BOC: variants seen among roughly 807,000 people sequenced by gnomAD.
BOC encodes the protein brother of CDO.
A neutral mutation model predicts 112.0 loss-of-function variants in BOC; 76 were observed. That is an observed-to-expected ratio of 0.68 (90% confidence interval 0.56 to 0.82). BOC has a LOEUF of 0.82. Ranked by LOEUF, BOC falls within the 40% of genes least tolerant of loss-of-function variation. BOC has a pLI of 0.00. For synonymous variants in BOC, 580 were observed against 599.8 expected, an observed-to-expected ratio of 0.97 and a Z score of 0.48; for missense variants, 1,309 against 1,511.7, an observed-to-expected ratio of 0.87 and a Z score of 2.22.
At chr3:113,214,527 A>G (rs1267191865) in intron 1 of BOC, among the ~76,000 whole-genome samples, 1 of 152,192 alleles carries the variant, frequency 6.6e-6, no homozygotes, top group African/African-American at 2.4e-5. Context: ...TCAAACTACA[A>G]CAGAAAACTC....
intron 2 of BOC, among the ~76,000 whole-genome samples, chr3:113,249,339 TA>T (rs1945327227): frequency 6.6e-6 from 1 of 152,194 alleles, no homozygotes; most frequent in African/African-American, 2.4e-5. Flanking sequence ...AAGCAAATGG[TA>T]AGAATAATCT....
intron 2 of BOC, among the ~76,000 whole-genome samples, chr3:113,249,237 C>G (rs1292847227): frequency 6.6e-6 from 1 of 152,220 alleles, no homozygotes; most frequent in Non-Finnish European, 1.5e-5. Context: ...CAAGGGCGTT[C>G]TGTATGCATC....
chr3:113,278,625 T>C lies in BOC; in HGVS notation c.1706-48T>C. 2 of 1,466,668 alleles carry C rather than the reference T, an allele frequency of 1.4e-6. No homozygotes were observed. The highest frequency in any genetic ancestry group is 1.7e-4 in the Middle Eastern group (1 of 5,840). The allele number at this position is 1,466,668 out of a possible 1,614,324, so 90.9% of individuals were successfully genotyped here. A position where few individuals can be genotyped will look rare whatever the true frequency, so the allele number is the denominator to read the frequency against. ...CAAAAAGGACTCTGTGGGAGGGAGA[T>C]CTCATGCCTGCTTCCTCCCTTGCTG... On this transcript the variant is annotated intron_variant, in intron 10 of 19. Transcript: ENST00000682979. The surrounding 1 kb of genome is among the most constrained non-coding windows in gnomAD (Gnocchi z 4.2).
At chr3:113,286,029 CTT>C (rs1360054617) in intron 19 of BOC, among the ~76,000 whole-genome samples, 1 of 152,148 alleles carries the variant, frequency 6.6e-6, no homozygotes, top group Non-Finnish European at 1.5e-5. Flanking sequence ...CATCATAACT[CTT>C]TGTACTTCCA....
Position 113,270,874 on chromosome 3 carries a change from G to C in BOC, c.597G>C (p.Lys199Asn). 6.2e-7 allele frequency: 1 copy of C among 1,614,228 alleles called. No individual in the cohort carries two copies. Among genetic ancestry groups the C allele is most frequent in the Non-Finnish European group, 8.5e-7 (1 of 1,180,048 alleles). ...NASQEDEGMY[K>N]CAAYNPVTQE... ...GCCAGGAGGACGAGGGCATGTACAA[G>C]TGTGCAGCCTACAACCCAGTGACCC... is the stretch of plus-strand genomic sequence containing the variant. The change falls in exon 6 of 20, where the codon AAG (lysine) becomes AAC (asparagine). Residue 199 changes from lysine (K) to asparagine (N), a missense_variant. Lys to Asn is a moderately conservative substitution (Grantham distance 94). Coordinates refer to ENST00000682979, the MANE Select transcript of BOC (RefSeq NM_001378074.1).
intron 4 of BOC, among the ~76,000 whole-genome samples, chr3:113,260,656 TTAGAA>T (rs1221490195): frequency 3.1e-4 from 32 of 104,484 alleles, no homozygotes; most frequent in Admixed American, 2.8e-3. Context: ...TTAGATTCTA[TTAGAA>T]TAGAATAGAA....
Position 113,274,714 on chromosome 3 carries a change from C to T in BOC, c.1542+32C>T, listed in dbSNP as rs7615718. 2.2e-3 allele frequency: 3,470 copies of T among 1,545,746 alleles called. 75 individuals are homozygous for T. In the African/African-American group the frequency reaches 0.041, roughly 18 times the overall value. ...CCCTGGTGTGGGGCTGCTGCCTCCC[C>T]TGCACAGCCTTTCCAGCAAGGCTGA... is the stretch of plus-strand genomic sequence containing the variant. On this transcript the variant is annotated intron_variant, in intron 9 of 19. Coordinates refer to ENST00000682979, the MANE Select transcript of BOC (RefSeq NM_001378074.1). The surrounding 1 kb of genome is among the most constrained non-coding windows in gnomAD (Gnocchi z 4.8).
chr3:113,253,595 C>T (rs1945887179), intron 4 of BOC, among the ~76,000 whole-genome samples: 1 of 142,398 alleles, frequency 7.0e-6, no homozygotes, highest in African/African-American at 2.5e-5. Context: ...CAGTAAAGTA[C>T]ACAAAGTGTA....
intron 4 of BOC, among the ~76,000 whole-genome samples, chr3:113,263,348 A>G (rs757051028): frequency 1.3e-5 from 2 of 152,216 alleles, no homozygotes; most frequent in Non-Finnish European, 2.9e-5. Context: ...AGGACTGTGC[A>G]TGAGAAGTAC....
rs1559854026 is a variant in BOC, at chr3:113,260,692, C to CAGAA, written c.377-7606_377-7603dup. On this transcript the variant is annotated intron_variant, in intron 4 of 19. Transcript: ENST00000682979. ...TAGAACAGAACAGAACAGAACAGAA[C>CAGAA]AGAACAGAACAGAACAGAACAGAAC... Among the ~76,000 whole-genome samples, 139 of 115,242 alleles carry CAGAA rather than the reference C, an allele frequency of 1.2e-3. 1 individual carries two copies. Among genetic ancestry groups the CAGAA allele is most frequent in the Middle Eastern group, 4.0e-3 (1 of 252 alleles). The allele number at this position is 115,242 out of a possible 152,430, so 75.6% of individuals were successfully genotyped here. A position where few individuals can be genotyped will look rare whatever the true frequency, so the allele number is the denominator to read the frequency against.
At chr3:113,281,533 T>G (rs765411683) in intron 15 of BOC, among the ~76,000 whole-genome samples, 1 of 152,248 alleles carries the variant, frequency 6.6e-6, no homozygotes, top group Non-Finnish European at 1.5e-5. Flanking sequence ...AGCTGTATAC[T>G]GCAGCCAAGG....
At position 113,274,344 on chromosome 3, in the gene BOC, C is replaced by A. The variant is rs1166778872; in HGVS notation, c.1235-31C>A. 2.0e-6 allele frequency: 3 copies of A among 1,488,334 alleles called. No individual in the cohort carries two copies. The Admixed American group carries it at 6.6e-5, about 33-fold the overall frequency. The allele number at this position is 1,488,334 out of a possible 1,614,324, so 92.2% of individuals were successfully genotyped here. A position where few individuals can be genotyped will look rare whatever the true frequency, so the allele number is the denominator to read the frequency against. On this transcript the variant is annotated intron_variant, in intron 8 of 19. Coordinates refer to ENST00000682979, the MANE Select transcript of BOC (RefSeq NM_001378074.1). This position sits in a 1 kb window ranked among gnomAD's most constrained non-coding sequence, Gnocchi z 4.8. Reference sequence around the variant, plus strand: ...CTCAGCAGGTAAACCAGGAGACTAACCTTTCCTTCTGCTTCCTGTTGGTCC... The same window carrying A: ...CTCAGCAGGTAAACCAGGAGACTAAACTTTCCTTCTGCTTCCTGTTGGTCC...
At chr3:113,262,200 G>A (rs779016123) in intron 4 of BOC, among the ~76,000 whole-genome samples, 6 of 152,198 alleles carry the variant, frequency 3.9e-5, no homozygotes, top group Non-Finnish European at 8.8e-5. Context: ...TGCAAAGGGA[G>A]GAGCAGTACT....
chr3:113,265,397 A>T (rs1947361320), intron 4 of BOC, among the ~76,000 whole-genome samples: 1 of 150,934 alleles, frequency 6.6e-6, no homozygotes, highest in Non-Finnish European at 1.5e-5. Flanking sequence ...GTAGTTTGGG[A>T]CTTATTCGAC....
chr3:113,243,738 T>A (rs1178846065), intron 2 of BOC, among the ~76,000 whole-genome samples: 1 of 152,176 alleles, frequency 6.6e-6, no homozygotes, highest in Non-Finnish European at 1.5e-5. Context: ...CCCTTGCTTG[T>A]ACATACCTCA....
rs1949739883 is a variant in BOC, at chr3:113,286,794, C to T, written c.3280C>T (p.Pro1094Ser). The change falls in exon 20 of 20, where the codon CCT becomes TCT. Residue 1094 changes from proline to serine, a missense_variant. Pro to Ser is a moderately conservative substitution (Grantham distance 74). Transcript: ENST00000682979. ...CGTAGGGGCCTACGTAGGACAGGAA[C>T]CTGGAATGCAGCTCTCCCCGGGGCC... Reference protein sequence around the residue: ...HPVGAYVGQEPGMQLSPGPLV... With the variant: ...HPVGAYVGQESGMQLSPGPLV... 1 of 1,612,954 alleles carries T rather than the reference C, an allele frequency of 6.2e-7. No individual in the cohort carries two copies.
intron 4 of BOC, among the ~76,000 whole-genome samples, chr3:113,260,623 C>G (rs146372094): frequency 2.9e-4 from 44 of 149,622 alleles, no homozygotes; most frequent in African/African-American, 1.0e-3. Flanking sequence ...TGAACACCAC[C>G]TCCTGTCAGA....
At position 113,278,346 on chromosome 3, in the gene BOC, C is replaced by A. The variant is rs1017548634; in HGVS notation, c.1705+89C>A. ...AGGTGAGAATTCCTGCTCACCTTGC[C>A]CCAGCTGTTCACCTTGAACTTCATC... On this transcript the variant is annotated intron_variant, in intron 10 of 19. Coordinates refer to ENST00000682979, the MANE Select transcript of BOC (RefSeq NM_001378074.1). This position sits in a 1 kb window ranked among gnomAD's most constrained non-coding sequence, Gnocchi z 4.2. 30 of 1,400,704 alleles carry A rather than the reference C, an allele frequency of 2.1e-5. No homozygotes were observed. The highest frequency in any genetic ancestry group is 3.0e-5 in the Non-Finnish European group (30 of 1,012,440). The allele number at this position is 1,400,704 out of a possible 1,614,324, so 86.8% of individuals were successfully genotyped here. A position where few individuals can be genotyped will look rare whatever the true frequency, so the allele number is the denominator to read the frequency against.
chr3:113,241,430 C>T (rs543471408), intron 2 of BOC, among the ~76,000 whole-genome samples: 1 of 152,100 alleles, frequency 6.6e-6, no homozygotes, highest in African/African-American at 2.4e-5. Context: ...CCCCTCTGCT[C>T]TCCCGGGAAC....
Sources: gnomAD v4.1 joint callset for allele counts (sites outside exome capture counted in the v4.1 genomes callset) on GRCh38, gnomAD v4.1.1 for gene constraint, Gnocchi (gnomAD v3.1) non-coding constraint, MANE v1.5 for transcripts, NCBI Gene and HGNC (gene_info 2026-07-23, HGNC 2026-07-21) for gene names.